The following EPB41L4A variants were observed in gnomAD, a reference collection of about 807,000 sequenced individuals.
The protein encoded by EPB41L4A is band 4.1-like protein 4A.
In EPB41L4A, 100 loss-of-function variants were observed where a neutral mutation model predicts 108.6. That is an observed-to-expected ratio of 0.92 (90% CI 0.78 to 1.09). The LOEUF is 1.09. Ranked by LOEUF, EPB41L4A falls within the 50% of genes least tolerant of loss-of-function variation. EPB41L4A has a pLI of 0.00. For missense variants in EPB41L4A, 1,030 were observed against 842.7 expected (o/e 1.22, Z -2.75); for synonymous variants, 319 against 289.0 (o/e 1.10, Z -1.05).
intron 2 of EPB41L4A, among the ~76,000 whole-genome samples, chr5:112,300,635 T>G (rs574576104): frequency 3.9e-5 from 6 of 152,304 alleles, no homozygotes; most frequent in Admixed American, 3.3e-4. Context: ...TAGGTAATGA[T>G]CTTTTTGCAA....
chr5:112,322,637 GC>G (rs1755871241), intron 1 of EPB41L4A, among the ~76,000 whole-genome samples: 1 of 151,772 alleles, frequency 6.6e-6, no homozygotes, highest in Non-Finnish European at 1.5e-5. Flanking sequence ...TGAGAACCAA[GC>G]CTCCTCCCCA....
chr5:112,256,956 T>C (rs568321479), intron 9 of EPB41L4A: 37 of 152,336 alleles, frequency 2.4e-4, no homozygotes, highest in Non-Finnish European at 5.3e-4. Flanking sequence ...AGTACTTATT[T>C]GGAAGTTTAA....
intron 1 of EPB41L4A, among the ~76,000 whole-genome samples, chr5:112,382,536 A>G (rs528173167): frequency 6.4e-4 from 97 of 152,312 alleles, no homozygotes; most frequent in Non-Finnish European, 9.4e-4. Context: ...ATTCAAACGT[A>G]GCTATTCAAA....
In EPB41L4A at chr5:112,418,956, C is replaced by A; in HGVS notation, c.84G>T (p.Gln28His). Residue 28 changes from glutamine to histidine, a missense_variant, in exon 1 of 23, where the codon CAG (glutamine) becomes CAT (histidine). By Grantham distance (24) the Gln-to-His change is conservative. Coordinates refer to ENST00000261486, the MANE Select transcript of EPB41L4A (RefSeq NM_022140.5). The part of the protein sequence containing the change: ...LDESKLTLTT[Q>H]QQGIKKSTKG... ...CCGCACCCACCTTGATGCCCTGCTG[C>A]TGGGTGGTAAGGGTTAACTTGGATT... 6.2e-7 allele frequency: 1 copy of A among 1,613,036 alleles called. No individual in the cohort carries two copies. The highest frequency in any genetic ancestry group is 8.5e-7 in the Non-Finnish European group (1 of 1,179,392).
intron 2 of EPB41L4A, among the ~76,000 whole-genome samples, chr5:112,303,029 T>C (rs1754466060): frequency 6.6e-6 from 1 of 152,176 alleles, no homozygotes. Context: ...TTCTTGATCT[T>C]TCCCCTCTGT....
chr5:112,338,645 C>T (rs890543873), intron 1 of EPB41L4A, among the ~76,000 whole-genome samples: 6 of 152,180 alleles, frequency 3.9e-5, no homozygotes, highest in Non-Finnish European at 7.3e-5. Flanking sequence ...CCATTCTCTT[C>T]GTAGCAGTTA....
At chr5:112,368,383 C>G (rs1322706291) in intron 1 of EPB41L4A, among the ~76,000 whole-genome samples, 1 of 152,124 alleles carries the variant, frequency 6.6e-6, no homozygotes, top group Non-Finnish European at 1.5e-5. Flanking sequence ...CTGTTGTCCC[C>G]TCTCCCCTAT....
At chr5:112,185,245 C>A (rs1761369784) in intron 17 of EPB41L4A, among the ~76,000 whole-genome samples, 1 of 152,204 alleles carries the variant, frequency 6.6e-6, no homozygotes, top group African/African-American at 2.4e-5. Flanking sequence ...AGTACTGCAA[C>A]TGCATGAGCA....
chr5:112,187,795 T>C (rs1366415516), intron 17 of EPB41L4A, among the ~76,000 whole-genome samples: 1 of 152,188 alleles, frequency 6.6e-6, no homozygotes, highest in Non-Finnish European at 1.5e-5. Context: ...ATAAACACCA[T>C]GCTTAATGCT....
intron 4 of EPB41L4A, among the ~76,000 whole-genome samples, chr5:112,274,560 A>G (rs1224197463): frequency 1.3e-5 from 2 of 152,206 alleles, no homozygotes; most frequent in African/African-American, 4.8e-5. Flanking sequence ...ATGATTTTCA[A>G]CTTTTTTAAA....
intron 1 of EPB41L4A, among the ~76,000 whole-genome samples, chr5:112,390,885 A>G (rs1417401362): frequency 6.6e-6 from 1 of 152,180 alleles, no homozygotes; most frequent in Non-Finnish European, 1.5e-5. Flanking sequence ...CTGTTCTGCA[A>G]TATTTGCTGT....
intron 1 of EPB41L4A, among the ~76,000 whole-genome samples, chr5:112,325,127 C>T (rs1462507038): frequency 7.0e-6 from 1 of 142,916 alleles, no homozygotes; most frequent in Non-Finnish European, 1.5e-5. Flanking sequence ...ATCCAAACTG[C>T]GAGAAATTAC....
At chr5:112,317,558 G>A (rs572154920) in intron 1 of EPB41L4A, among the ~76,000 whole-genome samples, 1 of 152,160 alleles carries the variant, frequency 6.6e-6, no homozygotes. Context: ...CATGAAGTCA[G>A]ATCTATATTC....
intron 13 of EPB41L4A, among the ~76,000 whole-genome samples, chr5:112,209,136 G>A (rs1157464506): frequency 6.6e-6 from 1 of 152,198 alleles, no homozygotes; most frequent in East Asian, 1.9e-4. Flanking sequence ...ATATCAAGTA[G>A]ATGATCTAAG....
Position 112,212,288 on chromosome 5 carries a change from G to GTTTT in EPB41L4A, c.1088-2310_1088-2307dup, listed in dbSNP as rs747980822. On this transcript the variant is annotated intron_variant, in intron 12 of 22. Transcript: ENST00000261486. ...CAGTAGGTGTGCCCTACCATTAGTT[G>GTTTT]TTTTTGTTTTTTTTTTTCTCCTGAG... is the stretch of plus-strand genomic sequence containing the variant. Among the ~76,000 whole-genome samples the GTTTT allele has an allele frequency of 1.4e-5, 2 of 139,824 alleles. 1 individual carries two copies. The highest frequency in any genetic ancestry group is 3.1e-5 in the Non-Finnish European group (2 of 64,556). The allele number at this position is 139,824 out of a possible 152,430, so 91.7% of individuals were successfully genotyped here. A position where few individuals can be genotyped will look rare whatever the true frequency, so the allele number is the denominator to read the frequency against.
At chr5:112,404,516 T>A (rs1267860962) in intron 1 of EPB41L4A, among the ~76,000 whole-genome samples, 1 of 152,168 alleles carries the variant, frequency 6.6e-6, no homozygotes, top group East Asian at 1.9e-4. Flanking sequence ...TTAGCATCAG[T>A]TTAATTTTAT....
At chr5:112,325,747 C>T (rs996020837) in intron 1 of EPB41L4A, among the ~76,000 whole-genome samples, 3 of 152,156 alleles carry the variant, frequency 2.0e-5, no homozygotes, top group East Asian at 1.9e-4. Context: ...CTTGCAACCT[C>T]GGCAGGCTGC....
chr5:112,414,562 C>T (rs541178413), intron 1 of EPB41L4A, among the ~76,000 whole-genome samples: 2 of 152,198 alleles, frequency 1.3e-5, no homozygotes, highest in South Asian at 4.1e-4. Context: ...TTCAAGCTTA[C>T]CAATACAGAA....
At chr5:112,239,408 G>T (rs1341736453) in intron 11 of EPB41L4A, among the ~76,000 whole-genome samples, 4 of 151,992 alleles carry the variant, frequency 2.6e-5, no homozygotes, top group Non-Finnish European at 5.9e-5. Context: ...GTGTCAAAAT[G>T]AATTTCTGAA....
Sources: gnomAD v4.1 joint callset for allele counts (sites outside exome capture counted in the v4.1 genomes callset) on GRCh38, gnomAD v4.1.1 for gene constraint, MANE v1.5 for transcripts, NCBI Gene and HGNC (gene_info 2026-07-23, HGNC 2026-07-21) for gene names.